Variants in VRK1 observed in about 807,000 individuals in gnomAD.
VRK1 encodes the protein serine/threonine-protein kinase VRK1.
In VRK1, 33 loss-of-function variants were observed where a neutral mutation model predicts 57.1. That is an observed-to-expected ratio of 0.58 (90% CI 0.44 to 0.77). The LOEUF is 0.77. VRK1 is among the 30% of genes least tolerant of loss of function. The pLI, the probability that VRK1 is intolerant of heterozygous loss-of-function variation, is 0.00. For synonymous variants in VRK1, 137 were observed against 147.8 expected (o/e 0.93, Z 0.53); for missense variants, 413 against 477.3 (o/e 0.87, Z 1.25).
chr14:96,808,722 G>T (rs1413526657), intron 1 of VRK1, among the ~76,000 whole-genome samples: 2 of 138,678 alleles, frequency 1.4e-5, no homozygotes, highest in Non-Finnish European at 3.1e-5. Flanking sequence ...CATTCATGTT[G>T]TTGCATGTAG....
At chr14:96,864,715 C>CAGT (rs1888516591) in intron 11 of VRK1, among the ~76,000 whole-genome samples, 1 of 152,140 alleles carries the variant, frequency 6.6e-6, no homozygotes, top group Non-Finnish European at 1.5e-5. Flanking sequence ...ACATTCTTAT[C>CAGT]AGTAGCATGG....
At chr14:96,845,273 T>C (rs1443689907) in intron 3 of VRK1, among the ~76,000 whole-genome samples, 3 of 152,182 alleles carry the variant, frequency 2.0e-5, no homozygotes, top group African/African-American at 7.2e-5. Context: ...TAAATACTAA[T>C]TTTAATCAGA....
chr14:96,853,902 A>G (rs999965725), intron 7 of VRK1, among the ~76,000 whole-genome samples: 1 of 152,068 alleles, frequency 6.6e-6, no homozygotes, highest in Non-Finnish European at 1.5e-5. Context: ...GTGTTTGGGT[A>G]CTTTGATTAT....
In VRK1 at chr14:96,861,771, T is replaced by A. The variant is rs149597892; in HGVS notation, c.1068+1036T>A. Among the ~76,000 whole-genome samples, 176 of 152,304 alleles carry A rather than the reference T, an allele frequency of 1.2e-3. 2 individuals are homozygous for A. The highest frequency in any genetic ancestry group is 3.9e-3 in the African/African-American group (164 of 41,574). ...TCTACATATACTTTTTTTTCTTTGA[T>A]AAGTTTTATCTTAATTGCATCTGCT... On this transcript the variant is annotated intron_variant, in intron 11 of 12. Transcript: ENST00000216639.
intron 1 of VRK1, among the ~76,000 whole-genome samples, chr14:96,813,166 T>C (rs1886269747): frequency 6.6e-6 from 1 of 152,228 alleles, no homozygotes; most frequent in Admixed American, 6.5e-5. Context: ...TAACTAATGG[T>C]AATACAGTAT....
intron 1 of VRK1, among the ~76,000 whole-genome samples, chr14:96,803,472 G>T (rs772550391): frequency 6.6e-6 from 1 of 152,038 alleles, no homozygotes; most frequent in African/African-American, 2.4e-5. Flanking sequence ...GCATCTGGCC[G>T]CTGACATATT....
intron 7 of VRK1, 78 bp from the exon 8 acceptor site, chr14:96,855,146 A>G: frequency 6.2e-7 from 1 of 1,609,066 alleles, no homozygotes; most frequent in South Asian, 1.1e-5. Context: ...AGATGCCAGT[A>G]TTTTGTTTCT....
intron 1 of VRK1, among the ~76,000 whole-genome samples, chr14:96,833,075 C>A (rs1887071499): frequency 6.6e-6 from 1 of 152,182 alleles, no homozygotes; most frequent in African/African-American, 2.4e-5. Context: ...TGTGTTCTAT[C>A]ATATCGGTAT....
intron 7 of VRK1, among the ~76,000 whole-genome samples, chr14:96,854,492 A>G (rs958155959): frequency 6.6e-6 from 1 of 152,130 alleles, no homozygotes; most frequent in Non-Finnish European, 1.5e-5. Flanking sequence ...TTTACTCAGA[A>G]TTAGAGATGT....
rs528346065 is a variant in VRK1 at position 96,860,573 on chromosome 14, C to T, written c.906C>T (p.Tyr302=). 119 of 1,612,514 alleles carry T rather than the reference C, an allele frequency of 7.4e-5. No individual in the cohort carries two copies. Among genetic ancestry groups the T allele is most frequent in the Admixed American group, 4.8e-4 (29 of 59,934 alleles). ...TTCTTTTAGGTGAAATTGCCAAATA[C>T]ATGGAAACAGTGAAATTACTAGACT... ...EKNKPGEIAK[Y]METVKLLDYT... Residue 302 remains tyrosine, a synonymous_variant, in exon 11 of 13, where the codon TAC becomes TAT. Transcript: ENST00000216639.
intron 1 of VRK1, among the ~76,000 whole-genome samples, chr14:96,797,712 C>G (rs1016114292): frequency 2.0e-5 from 3 of 152,194 alleles, no homozygotes; most frequent in Non-Finnish European, 4.4e-5. Context: ...AGGCCGGCCC[C>G]CATCTGAGCT....
chr14:96,833,408 A>G, intron 1 of VRK1, 59 bp from the exon 2 acceptor site: 1 of 1,603,056 alleles, frequency 6.2e-7, no homozygotes. Flanking sequence ...CCTTAGGGAA[A>G]AATGTTTTAA....
chr14:96,850,334 T>C (rs1158729748), intron 5 of VRK1, among the ~76,000 whole-genome samples: 1 of 152,210 alleles, frequency 6.6e-6, no homozygotes, highest in Non-Finnish European at 1.5e-5. Flanking sequence ...TATTAAATTA[T>C]TTTACACTGA....
chr14:96,856,345 C>G (rs1888153452), intron 9 of VRK1, 95 bp downstream of exon 9: 1 of 1,472,106 alleles, frequency 6.8e-7, no homozygotes. Context: ...TCAACTGATA[C>G]TGATATAGAA....
At chr14:96,822,891 C>G (rs1886656260) in intron 1 of VRK1, among the ~76,000 whole-genome samples, 1 of 152,202 alleles carries the variant, frequency 6.6e-6, no homozygotes. Flanking sequence ...TGATCTCCTG[C>G]TTCCCCCTTG....
intron 1 of VRK1, among the ~76,000 whole-genome samples, chr14:96,803,862 G>A (rs901638239): frequency 4.6e-5 from 7 of 152,036 alleles, no homozygotes; most frequent in Non-Finnish European, 7.4e-5. Flanking sequence ...TCTTTTACCC[G>A]TTTTGTGATT....
intron 11 of VRK1, among the ~76,000 whole-genome samples, chr14:96,871,566 G>A (rs1336798577): frequency 6.6e-6 from 1 of 152,132 alleles, no homozygotes; most frequent in Non-Finnish European, 1.5e-5. Context: ...TGTATTTAAT[G>A]TTTTTATAAA....
At chr14:96,814,360 T>C (rs975904128) in intron 1 of VRK1, among the ~76,000 whole-genome samples, 1 of 152,226 alleles carries the variant, frequency 6.6e-6, no homozygotes, top group Non-Finnish European at 1.5e-5. Context: ...TTTTAACTTG[T>C]GGCAGTTGAC....
chr14:96,822,279 A>T (rs1886633722), intron 1 of VRK1, among the ~76,000 whole-genome samples: 1 of 152,182 alleles, frequency 6.6e-6, no homozygotes, highest in African/African-American at 2.4e-5. Flanking sequence ...TTGAGTAAAC[A>T]AATTAATTAA....
Sources: gnomAD v4.1 joint callset for allele counts (sites outside exome capture counted in the v4.1 genomes callset) on GRCh38, gnomAD v4.1.1 for gene constraint, MANE v1.5 for transcripts, NCBI Gene and HGNC (gene_info 2026-07-23, HGNC 2026-07-21) for gene names.